Variants in TMPRSS15 observed in about 807,000 individuals in gnomAD.
TMPRSS15 encodes the protein enteropeptidase.
A neutral mutation model predicts 125.3 loss-of-function variants in TMPRSS15; 128 were observed. The ratio of observed to expected loss-of-function variants is 1.02; its 90% CI spans 0.89 to 1.18. TMPRSS15 has a LOEUF of 1.18. Among genes scored for constraint, TMPRSS15 ranks in the 50% most tolerant of loss-of-function variants. The pLI is 0.00. For missense variants in TMPRSS15, 1,283 were observed against 1,212.7 expected (o/e 1.06, Z -0.86); for synonymous variants, 446 against 423.2 (o/e 1.05, Z -0.66).
At chr21:18,400,290 A>G (rs1252705083) in intron 1 of TMPRSS15, among the ~76,000 whole-genome samples, 1 of 152,204 alleles carries the variant, frequency 6.6e-6, no homozygotes, top group Non-Finnish European at 1.5e-5. Context: ...CTAAAAGAAC[A>G]AAGTCAGAGG....
intron 1 of TMPRSS15, among the ~76,000 whole-genome samples, chr21:18,449,968 A>G (rs1352035027): frequency 2.0e-5 from 3 of 152,168 alleles, no homozygotes; most frequent in African/African-American, 2.4e-5. Flanking sequence ...AAGAAAATAT[A>G]TGTAGCACTT....
intron 18 of TMPRSS15, among the ~76,000 whole-genome samples, chr21:18,305,043 T>A (rs1191067307): frequency 2.0e-5 from 3 of 152,092 alleles, no homozygotes; most frequent in Admixed American, 2.0e-4. Context: ...TTGAGAGCAC[T>A]TACCCTAGGT....
intron 1 of TMPRSS15, among the ~76,000 whole-genome samples, chr21:18,451,383 CCTTTT>C (rs1223458108): frequency 6.6e-6 from 1 of 151,708 alleles, no homozygotes; most frequent in Non-Finnish European, 1.5e-5. Context: ...ATTTGTCTGC[CCTTTT>C]TTTTTTGAGT....
At chr21:18,438,293 AG>A (rs2076232922) in intron 1 of TMPRSS15, among the ~76,000 whole-genome samples, 1 of 127,070 alleles carries the variant, frequency 7.9e-6, no homozygotes, top group Non-Finnish European at 1.6e-5. Flanking sequence ...ACATGGACAC[AG>A]GAAGGGGAAC....
intron 22 of TMPRSS15, among the ~76,000 whole-genome samples, chr21:18,279,492 A>AT (rs1374993209): frequency 1.3e-5 from 2 of 148,516 alleles, no homozygotes; most frequent in African/African-American, 4.9e-5. Context: ...CGCCTGGCTA[A>AT]TTTTTTTGTA....
chr21:18,425,008 T>G (rs1393064012), intron 1 of TMPRSS15, among the ~76,000 whole-genome samples: 3 of 150,126 alleles, frequency 2.0e-5, no homozygotes, highest in Admixed American at 2.0e-4. Context: ...TGAATACATA[T>G]GAATTAATAT....
intron 15 of TMPRSS15, among the ~76,000 whole-genome samples, chr21:18,326,929 C>T (rs377235342): frequency 1.1e-4 from 16 of 152,226 alleles, no homozygotes; most frequent in African/African-American, 3.9e-4. Flanking sequence ...TTATAGTCAC[C>T]TTTACTAAAT....
Position 18,281,172 on chromosome 21 carries a change from T to C in TMPRSS15, c.2536A>G (p.Lys846Glu). ...GTTTGAGGAGAGGTCAGATTTGATT[T>C]CATATGCAGGCCTAGGATTGCTGTC... is the stretch of plus-strand genomic sequence containing the variant. The part of the protein sequence containing the change: ...KWTAILGLHM[K>E]SNLTSPQTVP... Residue 846 changes from lysine (K) to glutamate (E), a missense_variant, in exon 22 of 25, where the codon AAA (lysine) becomes GAA (glutamate). Physicochemically the swap from Lys to Glu is moderately conservative, Grantham distance 56. Coordinates refer to ENST00000284885, the MANE Select transcript of TMPRSS15 (RefSeq NM_002772.3). The C allele has an allele frequency of 6.2e-7, 1 of 1,614,122 alleles. No individual in the cohort carries two copies.
intron 1 of TMPRSS15, among the ~76,000 whole-genome samples, chr21:18,449,613 A>AT (rs2076263029): frequency 6.6e-6 from 1 of 152,116 alleles, no homozygotes; most frequent in Admixed American, 6.6e-5. Flanking sequence ...GTGACTGCCT[A>AT]TGAGCTAAAT....
At chr21:18,390,047 C>T (rs2075977942) in intron 3 of TMPRSS15, among the ~76,000 whole-genome samples, 1 of 152,256 alleles carries the variant, frequency 6.6e-6, no homozygotes, top group South Asian at 2.1e-4. Context: ...TCAATGCCAG[C>T]TCTATTATAT....
intron 13 of TMPRSS15, among the ~76,000 whole-genome samples, chr21:18,334,824 G>T (rs2146973552): frequency 6.6e-6 from 1 of 152,304 alleles, no homozygotes; most frequent in Middle Eastern, 3.4e-3. Flanking sequence ...GGTTCACACT[G>T]CCATAGGCAG....
At chr21:18,458,007 G>A (rs532390782) in intron 1 of TMPRSS15, among the ~76,000 whole-genome samples, 6 of 152,220 alleles carry the variant, frequency 3.9e-5, no homozygotes, top group South Asian at 4.1e-4. Context: ...CAGACTGAGC[G>A]TATACTGCAT....
chr21:18,380,565 A>G (rs1209589474), intron 4 of TMPRSS15: 1 of 470,840 alleles, frequency 2.1e-6, no homozygotes, highest in Admixed American at 2.4e-5. Flanking sequence ...GGCTTACTGT[A>G]GAAAAATTCT....
At position 18,343,942 on chromosome 21, in the gene TMPRSS15, G is replaced by A; in HGVS notation, c.1277+13C>T. The A allele has an allele frequency of 1.2e-6, 2 of 1,609,316 alleles. No individual in the cohort carries two copies. Among genetic ancestry groups the A allele is most frequent in the Non-Finnish European group, 1.7e-6 (2 of 1,175,684 alleles). On this transcript the variant is annotated intron_variant, in intron 11 of 24. Transcript: ENST00000284885. ...TAAAAAAGACAGCGTTTAAACAGGTGTCTACAACATACCAGAAACTAAGGC... is the reference window on the plus strand; with the variant it reads ...TAAAAAAGACAGCGTTTAAACAGGTATCTACAACATACCAGAAACTAAGGC...
chr21:18,347,093 T>G (rs1038582690), intron 10 of TMPRSS15, among the ~76,000 whole-genome samples: 11 of 152,150 alleles, frequency 7.2e-5, no homozygotes, highest in African/African-American at 2.7e-4. Context: ...TGTACCTTGT[T>G]AAAATCGTAT....
chr21:18,325,949 A>C (rs2075284769), intron 16 of TMPRSS15, among the ~76,000 whole-genome samples: 1 of 152,066 alleles, frequency 6.6e-6, no homozygotes, highest in Admixed American at 6.6e-5. Context: ...TGGGCACGTC[A>C]GCAAATAGCA....
At chr21:18,320,357 A>T (rs942640305) in intron 16 of TMPRSS15, among the ~76,000 whole-genome samples, 1 of 152,072 alleles carries the variant, frequency 6.6e-6, no homozygotes, top group Non-Finnish European at 1.5e-5. Context: ...AAATTATCTT[A>T]TTACTTTTTT....
At chr21:18,445,199 A>G (rs992093923) in intron 1 of TMPRSS15, among the ~76,000 whole-genome samples, 17 of 109,918 alleles carry the variant, frequency 1.5e-4, no homozygotes, top group Non-Finnish European at 2.7e-4. Context: ...GCATTGGTAT[A>G]TACCACATTT....
At chr21:18,473,596 T>C (rs1338236904) in intron 1 of TMPRSS15, among the ~76,000 whole-genome samples, 1 of 152,110 alleles carries the variant, frequency 6.6e-6, no homozygotes, top group African/African-American at 2.4e-5. Flanking sequence ...GGGTTACCTG[T>C]TTTCACATAA....
Sources: gnomAD v4.1 joint callset for allele counts (sites outside exome capture counted in the v4.1 genomes callset) on GRCh38, gnomAD v4.1.1 for gene constraint, MANE v1.5 for transcripts, NCBI Gene and HGNC (gene_info 2026-07-23, HGNC 2026-07-21) for gene names.